Variants in BCAS3 observed in about 807,000 individuals in gnomAD.
BCAS3 encodes the protein BCAS3 microtubule associated cell migration factor.
A neutral mutation model predicts 116.1 loss-of-function variants in BCAS3; 53 were observed. That is an observed-to-expected ratio of 0.46 (90% CI 0.37 to 0.57). The LOEUF (loss-of-function observed/expected upper bound fraction) is 0.57. Among genes scored for constraint, BCAS3 ranks in the 20% least tolerant of loss-of-function variants. The pLI is 0.00. For missense variants in BCAS3, 917 were observed against 1,165.4 expected (o/e 0.79, Z 3.10); for synonymous variants, 391 against 408.2 (o/e 0.96, Z 0.51).
chr17:61,005,289 T>C (rs2064587868), intron 15 of BCAS3, among the ~76,000 whole-genome samples: 1 of 152,134 alleles, frequency 6.6e-6, no homozygotes, highest in South Asian at 2.1e-4. Context: ...TTTTTTCTTT[T>C]TCTTTTTTTT....
rs1166365840 is a variant in BCAS3 at position 61,324,046 on chromosome 17, C to G, written c.2426-44281C>G. ...AATCCTCACACTTCTTTGGCTGGAG[C>G]CGCCTTCCTCTGTGTTCTCAGTGTG... On this transcript the variant is annotated intron_variant, in intron 22 of 23. Coordinates refer to ENST00000407086, the MANE Select transcript of BCAS3 (RefSeq NM_017679.5). This position sits in a 1 kb window ranked among gnomAD's most constrained non-coding sequence, Gnocchi z 4.6. Among the ~76,000 whole-genome samples the G allele has an allele frequency of 6.6e-6, 1 of 152,216 alleles. No homozygotes were observed. Among genetic ancestry groups the G allele is most frequent in the Non-Finnish European group, 1.5e-5 (1 of 68,040 alleles).
In BCAS3 at chr17:60,995,307, C is replaced by T. The variant is rs2063767742; in HGVS notation, c.1486+5072C>T. On this transcript the variant is annotated intron_variant, in intron 15 of 23. Coordinates refer to ENST00000407086, the MANE Select transcript of BCAS3 (RefSeq NM_017679.5). The surrounding 1 kb of genome is among the most constrained non-coding windows in gnomAD (Gnocchi z 4.7). ...AGCTGGGATTACAGGTGCCCGCCAC[C>T]ATGCCTGGCTAATTTTTGTATATTT... Among the ~76,000 whole-genome samples, 1 of 152,188 alleles carries T rather than the reference C, an allele frequency of 6.6e-6. No homozygotes were observed. The highest frequency in any genetic ancestry group is 2.1e-4 in the South Asian group (1 of 4,834).
At chr17:61,164,273 A>G (rs2078350225) in intron 22 of BCAS3, among the ~76,000 whole-genome samples, 1 of 152,264 alleles carries the variant, frequency 6.6e-6, no homozygotes, top group South Asian at 2.1e-4. Context: ...TTTATTAAAC[A>G]TGTGCTATGG....
intron 22 of BCAS3, among the ~76,000 whole-genome samples, chr17:61,210,988 A>C (rs112940113): frequency 6.6e-6 from 1 of 151,990 alleles, no homozygotes; most frequent in African/African-American, 2.4e-5. Flanking sequence ...ATCCATACCC[A>C]CAGAGATGAT....
intron 22 of BCAS3, among the ~76,000 whole-genome samples, chr17:61,160,907 T>G (rs2078134542): frequency 6.6e-6 from 1 of 152,168 alleles, no homozygotes; most frequent in Non-Finnish European, 1.5e-5. Context: ...AAAATATTTC[T>G]GACCCACAAA....
At position 61,286,392 on chromosome 17, in the gene BCAS3, G is replaced by A. The variant is rs1477882334; in HGVS notation, c.2426-81935G>A. ...CACTCCTGTGCTGGTGAAGTCTGGCGTGTGGAGAGGCCTCTGGTTATTGGG... is the reference window on the plus strand; with the variant it reads ...CACTCCTGTGCTGGTGAAGTCTGGCATGTGGAGAGGCCTCTGGTTATTGGG... On this transcript the variant is annotated intron_variant, in intron 22 of 23. Coordinates refer to ENST00000407086, the MANE Select transcript of BCAS3 (RefSeq NM_017679.5). This position sits in a 1 kb window ranked among gnomAD's most constrained non-coding sequence, Gnocchi z 4.8. Among the ~76,000 whole-genome samples the A allele has an allele frequency of 1.3e-5, 2 of 152,210 alleles. No homozygotes were observed. Among genetic ancestry groups the A allele is most frequent in the East Asian group, 1.9e-4 (1 of 5,202 alleles).
intron 8 of BCAS3, among the ~76,000 whole-genome samples, chr17:60,874,109 C>T (rs1002704160): frequency 2.0e-5 from 3 of 151,788 alleles, no homozygotes; most frequent in Non-Finnish European, 4.4e-5. Flanking sequence ...TGCTGTTGCC[C>T]AGGCTGGCGT....
At chr17:61,066,556 A>G (rs985055869) in intron 19 of BCAS3, among the ~76,000 whole-genome samples, 2 of 152,292 alleles carry the variant, frequency 1.3e-5, no homozygotes, top group Middle Eastern at 3.4e-3. Flanking sequence ...TTTCCTGAGT[A>G]TCTTAAACCA....
At chr17:61,312,219 T>G (rs2144783039) in intron 22 of BCAS3, among the ~76,000 whole-genome samples, 1 of 152,300 alleles carries the variant, frequency 6.6e-6, no homozygotes, top group South Asian at 2.1e-4. Context: ...TTCTGCATGT[T>G]GTGCTTATTT....
intron 10 of BCAS3, among the ~76,000 whole-genome samples, chr17:60,896,012 A>G (rs1474233917): frequency 3.3e-5 from 5 of 152,212 alleles, no homozygotes; most frequent in Admixed American, 3.3e-4. Context: ...ATAAGAGTCT[A>G]TTAGGTCCAT....
chr17:61,280,993 A>G (rs929794079), intron 22 of BCAS3, among the ~76,000 whole-genome samples: 1 of 152,244 alleles, frequency 6.6e-6, no homozygotes, highest in African/African-American at 2.4e-5. Flanking sequence ...ACAAAATGGT[A>G]TAAAAAGAGA....
At chr17:61,154,654 G>C (rs2077731145) in intron 22 of BCAS3, among the ~76,000 whole-genome samples, 1 of 151,752 alleles carries the variant, frequency 6.6e-6, no homozygotes, top group Non-Finnish European at 1.5e-5. Context: ...CATTGCCCAG[G>C]CTGGTCTCAA....
Position 61,124,798 on chromosome 17 carries a change from A to G in BCAS3, c.2425+40234A>G, listed in dbSNP as rs1452726151. 1.3e-5 allele frequency among the ~76,000 whole-genome samples: 2 copies of G among 152,154 alleles called. No homozygotes were observed. The highest frequency in any genetic ancestry group is 2.9e-5 in the Non-Finnish European group (2 of 68,012). ...TAATTTCCTGAGCTGTATGGTACAG[A>G]TGATTTTCTGTGTTAGAAGATGCTA... On this transcript the variant is annotated intron_variant, in intron 22 of 23. Transcript: ENST00000407086. The surrounding 1 kb of genome is among the most constrained non-coding windows in gnomAD (Gnocchi z 4.6).
In BCAS3 at chr17:61,032,330, A is replaced by G. The variant is rs2145590540; in HGVS notation, c.1638-2336A>G. Among the ~76,000 whole-genome samples the G allele has an allele frequency of 6.6e-6, 1 of 152,234 alleles. No individual in the cohort carries two copies. Among genetic ancestry groups the G allele is most frequent in the East Asian group, 1.9e-4 (1 of 5,186 alleles). ...GTAGTAGCTTTGTTCTCTGATGGTG[A>G]TTCTAGTAAAAGCACATAGTCGCAC... On this transcript the variant is annotated intron_variant, in intron 16 of 23. Coordinates refer to ENST00000407086, the MANE Select transcript of BCAS3 (RefSeq NM_017679.5). This position sits in a 1 kb window ranked among gnomAD's most constrained non-coding sequence, Gnocchi z 4.6.
At chr17:61,138,820 T>A (rs1332703715) in intron 22 of BCAS3, among the ~76,000 whole-genome samples, 4 of 152,208 alleles carry the variant, frequency 2.6e-5, no homozygotes, top group African/African-American at 9.6e-5. Flanking sequence ...TTTCTGATTA[T>A]TTACTTGGAA....
chr17:61,307,432 C>T lies in BCAS3; in HGVS notation c.2426-60895C>T, dbSNP rs1353266397. On this transcript the variant is annotated intron_variant, in intron 22 of 23. Transcript: ENST00000407086. This position sits in a 1 kb window ranked among gnomAD's most constrained non-coding sequence, Gnocchi z 4.7. Reference sequence around the variant, plus strand: ...GAATCTAACCCATGTTTTCTTTTTCCCATTGCATTTACTACAGTTACAACG... The same window carrying T: ...GAATCTAACCCATGTTTTCTTTTTCTCATTGCATTTACTACAGTTACAACG... Among the ~76,000 whole-genome samples, 2 of 152,176 alleles carry T rather than the reference C, an allele frequency of 1.3e-5. No individual in the cohort carries two copies. The highest frequency in any genetic ancestry group is 2.9e-5 in the Non-Finnish European group (2 of 68,034).
intron 7 of BCAS3, among the ~76,000 whole-genome samples, chr17:60,862,995 T>G (rs1297313952): frequency 1.3e-5 from 2 of 152,344 alleles, no homozygotes; most frequent in East Asian, 3.9e-4. Context: ...AAGATTTTTC[T>G]CAAGAAATAG....
intron 22 of BCAS3, among the ~76,000 whole-genome samples, chr17:61,246,107 G>C (rs1217368510): frequency 6.6e-6 from 1 of 152,104 alleles, no homozygotes; most frequent in Non-Finnish European, 1.5e-5. Context: ...TCTATCCTGG[G>C]AGAGTCTTAC....
chr17:60,971,151 A>G (rs951964058), intron 14 of BCAS3, among the ~76,000 whole-genome samples: 1 of 152,138 alleles, frequency 6.6e-6, no homozygotes, highest in Non-Finnish European at 1.5e-5. Flanking sequence ...ATTAGCAACT[A>G]TGATTTGTTT....
Sources: allele counts gnomAD v4.1 joint callset (sites outside exome capture counted in the v4.1 genomes callset), GRCh38; gene constraint gnomAD v4.1.1; non-coding constraint Gnocchi (gnomAD v3.1); transcripts MANE v1.5; gene names NCBI Gene and HGNC (gene_info 2026-07-23, HGNC 2026-07-21).